The following TLE1 variants were observed in gnomAD, a reference collection of about 807,000 sequenced individuals.
TLE1 encodes the protein transducin-like enhancer protein 1.
A neutral mutation model predicts 89.8 loss-of-function variants in TLE1; 21 were observed. The ratio of observed to expected loss-of-function variants is 0.23; its 90% confidence interval spans 0.17 to 0.34. The LOEUF (loss-of-function observed/expected upper bound fraction) is 0.34, where lower values mean the gene tolerates loss of function less well. Ranked by LOEUF, TLE1 falls within the 10% of genes least tolerant of loss-of-function variation. The probability of loss-of-function intolerance (pLI) is 1.00; values close to 1 mark genes in which losing one functional copy is unlikely to be tolerated. For synonymous variants in TLE1, 447 were observed against 407.6 expected, an observed-to-expected ratio of 1.10 and a Z score of -1.16; for missense variants, 795 against 1,031.2, an observed-to-expected ratio of 0.77 and a Z score of 3.14.
At chr9:81,593,325 GC>G in intron 14 of TLE1, 51 bp from the exon 15 acceptor site, 1 of 1,550,280 alleles carries the variant, frequency 6.5e-7, no homozygotes. Context: ...TACAGAGGAA[GC>G]AATCCCTATC....
chr9:81,594,386 C>T (rs1160815442), intron 14 of TLE1, among the ~76,000 whole-genome samples: 1 of 152,044 alleles, frequency 6.6e-6, no homozygotes, highest in Non-Finnish European at 1.5e-5. Flanking sequence ...CTTGCAGGGA[C>T]ATGGATGAAA....
chr9:81,620,685 C>T (rs1825124147), intron 8 of TLE1, 128 bp from the exon 9 acceptor site: 1 of 1,476,538 alleles, frequency 6.8e-7, no homozygotes, highest in African/African-American at 1.4e-5. Flanking sequence ...TTTAATTCAT[C>T]TCATCTAAAG....
chr9:81,585,690 G>T, intron 17 of TLE1, 35 bp from the exon 18 acceptor site: 1 of 1,606,336 alleles, frequency 6.2e-7, no homozygotes, highest in East Asian at 2.2e-5. Flanking sequence ...TCATTATTCC[G>T]CCTGATACAC....
chr9:81,637,812 A>G (rs1827593847), intron 6 of TLE1, among the ~76,000 whole-genome samples: 1 of 152,096 alleles, frequency 6.6e-6, no homozygotes, highest in African/African-American at 2.4e-5. Context: ...ATAATATCTA[A>G]GTGTCCATCG....
rs112228768 is a variant in TLE1, at chr9:81,624,884, C to A, written c.595-4327G>T. The stretch of plus-strand genomic sequence containing the variant: ...GACATTACAAACCTGGGCAAATCAG[C>A]TGAAAACACACTGTTCAAAACAAAC... On this transcript the variant is annotated intron_variant, in intron 8 of 19. Coordinates refer to ENST00000376499, the MANE Select transcript of TLE1 (RefSeq NM_005077.5). Among the ~76,000 whole-genome samples the A allele has an allele frequency of 3.9e-5, 6 of 152,286 alleles. 1 individual carries two copies. Among genetic ancestry groups the A allele is most frequent in the African/African-American group, 1.4e-4 (6 of 41,562 alleles).
intron 6 of TLE1, among the ~76,000 whole-genome samples, chr9:81,641,999 G>T (rs1477400783): frequency 6.6e-6 from 1 of 151,954 alleles, no homozygotes; most frequent in Non-Finnish European, 1.5e-5. Context: ...TCCAGCCTGG[G>T]CAACAAGAGC....
chr9:81,656,809 AT>A (rs1288222199), intron 4 of TLE1, among the ~76,000 whole-genome samples: 4 of 152,222 alleles, frequency 2.6e-5, no homozygotes, highest in African/African-American at 9.6e-5. Flanking sequence ...GTTTCATTTA[AT>A]TTTGCACAAT....
At position 81,634,089 on chromosome 9, in the gene TLE1, C is replaced by A. The variant is rs1306993516; in HGVS notation, c.577+8G>T. On this transcript the variant is annotated splice_region_variant and intron_variant, in intron 7 of 19. Transcript: ENST00000376499. Reference sequence around the variant, plus strand: ...CAAAGTCCTAATCTGGCTTGCCCGGCCTCTCACCTCTGTGGTGCTCTGCAT... The same window carrying A: ...CAAAGTCCTAATCTGGCTTGCCCGGACTCTCACCTCTGTGGTGCTCTGCAT... 6.2e-7 allele frequency: 1 copy of A among 1,603,462 alleles called. No individual in the cohort carries two copies.
At chr9:81,645,285 C>T (rs1030879980) in intron 6 of TLE1, among the ~76,000 whole-genome samples, 2 of 151,258 alleles carry the variant, frequency 1.3e-5, no homozygotes, top group Non-Finnish European at 2.9e-5. Context: ...AATCGCTTAA[C>T]CCGGGAGGCA....
chr9:81,626,686 T>A (rs1485409109), intron 8 of TLE1, among the ~76,000 whole-genome samples: 1 of 152,090 alleles, frequency 6.6e-6, no homozygotes, highest in Non-Finnish European at 1.5e-5. Flanking sequence ...CACTGTAGAA[T>A]CCAGGTGGGT....
chr9:81,636,420 G>A (rs937450119), intron 6 of TLE1, among the ~76,000 whole-genome samples: 2 of 129,608 alleles, frequency 1.5e-5, no homozygotes, highest in African/African-American at 5.7e-5. Flanking sequence ...TCATTACTTG[G>A]AGAGTAAGAG....
chr9:81,597,960 G>A (rs1338768693), intron 14 of TLE1, among the ~76,000 whole-genome samples: 2 of 152,082 alleles, frequency 1.3e-5, no homozygotes, highest in Non-Finnish European at 2.9e-5. Flanking sequence ...AGGAAAACAG[G>A]TGTTTACAGG....
chr9:81,603,255 G>T (rs1831181368), intron 14 of TLE1, among the ~76,000 whole-genome samples: 1 of 152,140 alleles, frequency 6.6e-6, no homozygotes, highest in South Asian at 2.1e-4. Context: ...CTGTTCCTCT[G>T]TAATAGCTCC....
At chr9:81,684,286 A>T (rs1256876374) in intron 4 of TLE1, among the ~76,000 whole-genome samples, 1 of 152,210 alleles carries the variant, frequency 6.6e-6, no homozygotes, top group African/African-American at 2.4e-5. Context: ...GGCACTAGCC[A>T]CTGAGAAACA....
chr9:81,587,906 C>CCG, intron 16 of TLE1, 78 bp from the exon 17 acceptor site: 1 of 545,678 alleles, frequency 1.8e-6, no homozygotes, highest in South Asian at 2.2e-5. Context: ...TAGTTTTGGA[C>CCG]CGTGTGTGTG....
chr9:81,629,387 C>A (rs570755088), intron 8 of TLE1, among the ~76,000 whole-genome samples: 1 of 152,216 alleles, frequency 6.6e-6, no homozygotes, highest in South Asian at 2.1e-4. Flanking sequence ...TTTCATATTT[C>A]TCTGCTCAAG....
At chr9:81,621,945 C>T (rs1267551719) in intron 8 of TLE1, among the ~76,000 whole-genome samples, 1 of 152,168 alleles carries the variant, frequency 6.6e-6, no homozygotes, top group Non-Finnish European at 1.5e-5. Context: ...CTGGGAGGGA[C>T]CAACGCAATT....
intron 13 of TLE1, 31 bp from the exon 14 acceptor site, chr9:81,610,327 A>T: frequency 6.4e-7 from 1 of 1,553,646 alleles, no homozygotes; most frequent in South Asian, 1.1e-5. Flanking sequence ...TTGCAGACTC[A>T]GTTTATTGCA....
rs370578171 is a variant in TLE1 at position 81,633,587 on chromosome 9, AT to A, written c.578-224del. The A allele has an allele frequency of 1.3e-3, 820 of 609,026 alleles. 3 individuals are homozygous for A. The highest frequency in any genetic ancestry group is 0.013 in the African/African-American group (727 of 54,808). The allele number at this position is 609,026 out of a possible 1,614,324, so 37.7% of individuals were successfully genotyped here. A position where few individuals can be genotyped will look rare whatever the true frequency, so the allele number is the denominator to read the frequency against. ...TACAGTTTAACCATACACAAAGCCT[AT>A]TTTTTTATTTCTTGACAGAATAAAT... On this transcript the variant is annotated intron_variant, in intron 7 of 19. Coordinates refer to ENST00000376499, the MANE Select transcript of TLE1 (RefSeq NM_005077.5).
Sources: allele counts gnomAD v4.1 joint callset (sites outside exome capture counted in the v4.1 genomes callset), GRCh38; gene constraint gnomAD v4.1.1; transcripts MANE v1.5; gene names NCBI Gene and HGNC (gene_info 2026-07-23, HGNC 2026-07-21).